The following DDX60L variants were observed in gnomAD, a reference collection of about 807,000 sequenced individuals.
DDX60L encodes the protein DExD/H-box 60 like.
DDX60L carries 191 observed loss-of-function variants against 211.6 expected under a neutral mutation model. The observed-to-expected ratio is 0.90, with a 90% confidence interval of 0.80 to 1.02. DDX60L has a LOEUF of 1.02. Among genes scored for constraint, DDX60L ranks in the 50% least tolerant of loss-of-function variants. DDX60L has a pLI of 0.00. For synonymous variants in DDX60L, 706 were observed against 694.1 expected (o/e 1.02, Z -0.27); for missense variants, 2,007 against 1,984.1 (o/e 1.01, Z -0.22).
chr4:168,358,936 T>G (rs1024845412), intron 37 of DDX60L, among the ~76,000 whole-genome samples: 5 of 152,176 alleles, frequency 3.3e-5, no homozygotes, highest in Non-Finnish European at 7.4e-5. Context: ...ACACATCTCA[T>G]GAAAGCCATA....
Position 168,423,710 on chromosome 4 carries a change from C to G in DDX60L, c.1995G>C (p.Glu665Asp). ...QMMKRIHSLL[E>D]RYPEILEAEH... is the part of the protein sequence containing the mutation. ...CTGCTTCCAAAATTTCTGGGTATCT[C>G]TCCAGGAGTGAATGAATCCTTTTCA... The change falls in exon 15 of 38, where the codon GAG becomes GAC. Residue 665 changes from glutamate (E) to aspartate (D), a missense_variant. Glu to Asp is a conservative substitution (Grantham distance 45). Coordinates refer to ENST00000682922, the MANE Select transcript of DDX60L (RefSeq NM_001012967.3). The G allele has an allele frequency of 6.2e-7, 1 of 1,607,360 alleles. No individual in the cohort carries two copies. The highest frequency in any genetic ancestry group is 8.5e-7 in the Non-Finnish European group (1 of 1,177,546).
intron 33 of DDX60L, 57 bp downstream of exon 33, chr4:168,378,297 G>T: frequency 1.9e-6 from 2 of 1,067,654 alleles, no homozygotes; most frequent in Non-Finnish European, 2.7e-6. Flanking sequence ...ATGCTTTCCA[G>T]TAGCATACAT....
At chr4:168,389,862 C>T (rs988829934) in intron 29 of DDX60L, among the ~76,000 whole-genome samples, 9 of 152,012 alleles carry the variant, frequency 5.9e-5, no homozygotes, top group Non-Finnish European at 8.8e-5. Context: ...ACTTTTGGTA[C>T]GAAAGTGCAA....
At position 168,394,515 on chromosome 4, in the gene DDX60L, A is replaced by T; in HGVS notation, c.3760T>A (p.Phe1254Ile). 1 of 1,611,884 alleles carries T rather than the reference A, an allele frequency of 6.2e-7. No homozygotes were observed. The highest frequency in any genetic ancestry group is 1.1e-5 in the South Asian group (1 of 90,344). Reference protein sequence around the residue: ...GIGYHHSSMYFKEKEFVEILF... With the variant: ...GIGYHHSSMYIKEKEFVEILF... ...ATCTCAACAAACTCTTTTTCTTTAA[A>T]ATACATGCTGCTGTGATGATATCCA... The change falls in exon 28 of 38, where the codon TTT becomes ATT. Residue 1254 changes from phenylalanine to isoleucine, a missense_variant. By Grantham distance (21) the Phe-to-Ile change is conservative (BLOSUM62 0). Transcript: ENST00000682922.
intron 8 of DDX60L, among the ~76,000 whole-genome samples, chr4:168,449,838 C>T (rs2150048557): frequency 6.7e-6 from 1 of 149,026 alleles, no homozygotes; most frequent in East Asian, 2.0e-4. Context: ...TTATAAAACC[C>T]AGAAGTAGGG....
intron 34 of DDX60L, 151 bp downstream of exon 34, chr4:168,375,226 A>G: frequency 1.3e-6 from 1 of 745,442 alleles, no homozygotes; most frequent in Middle Eastern, 3.6e-4. Flanking sequence ...AATGGGCTAA[A>G]TTGTTTTCTG....
intron 22 of DDX60L, among the ~76,000 whole-genome samples, chr4:168,410,210 A>G (rs530845574): frequency 6.6e-6 from 1 of 152,208 alleles, no homozygotes; most frequent in Non-Finnish European, 1.5e-5. Context: ...ATAATAAGTT[A>G]CATATTATCA....
At chr4:168,473,813 G>C (rs1211029494) in intron 1 of DDX60L, among the ~76,000 whole-genome samples, 1 of 152,116 alleles carries the variant, frequency 6.6e-6, no homozygotes, top group Non-Finnish European at 1.5e-5. Context: ...CTTGTCTTAG[G>C]AGGTGATTCT....
chr4:168,467,445 CAAAAAAA>C (rs199648164), intron 4 of DDX60L, among the ~76,000 whole-genome samples: 2 of 109,102 alleles, frequency 1.8e-5, no homozygotes, highest in South Asian at 3.1e-4. Context: ...GTTTCCATTC[CAAAAAAA>C]AAAAAAAAAT....
rs370321357 is a variant in DDX60L at position 168,421,868 on chromosome 4, C to A, written c.2286G>T (p.Val762=). 8.1e-6 allele frequency: 13 copies of A among 1,614,072 alleles called. No individual in the cohort carries two copies. The highest frequency in any genetic ancestry group is 7.6e-6 in the Non-Finnish European group (9 of 1,180,046). Reference sequence around the variant, plus strand: ...TGCCTGAGGACGTTGGGGCAACAATCACTGCTGACTCATTCTTATCTACCA... The same window carrying A: ...TGCCTGAGGACGTTGGGGCAACAATAACTGCTGACTCATTCTTATCTACCA... ...LDVVDKNESA[V]IVAPTSSGKT... is the part of the protein sequence containing the mutation. The change falls in exon 17 of 38, where the codon GTG becomes GTT. Residue 762 remains valine, a synonymous_variant. Coordinates refer to ENST00000682922, the MANE Select transcript of DDX60L (RefSeq NM_001012967.3).
At chr4:168,466,498 T>C (rs1183279079) in intron 4 of DDX60L, among the ~76,000 whole-genome samples, 2 of 152,336 alleles carry the variant, frequency 1.3e-5, no homozygotes, top group Non-Finnish European at 2.9e-5. Context: ...GAATCAGAGA[T>C]ACAACAATGA....
At chr4:168,413,897 A>G (rs77616583) in intron 22 of DDX60L, among the ~76,000 whole-genome samples, 31,685 of 152,044 alleles carry the variant, frequency 0.21, 3,413 homozygotes, top group East Asian at 0.28. Context: ...TAGAACACCA[A>G]GCAGATTTAA....
Position 168,379,822 on chromosome 4 carries a change from T to C in DDX60L, c.4125A>G (p.Ser1375=), listed in dbSNP as rs758882022. 6.2e-7 allele frequency: 1 copy of C among 1,603,328 alleles called. No homozygotes were observed. The highest frequency in any genetic ancestry group is 1.3e-5 in the African/African-American group (1 of 74,350). The change falls in exon 31 of 38, where the codon TCA becomes TCG. Residue 1375 remains serine (S), a synonymous_variant. Coordinates refer to ENST00000682922, the MANE Select transcript of DDX60L (RefSeq NM_001012967.3). The part of the protein sequence containing the change: ...DPEDAKAKVL[S]VLKHSLLSFK... Reference sequence around the variant, plus strand: ...AAGACAGCAATGAATGCTTTAGCACTGACAACACCTATAAAAGAAGAGTAC... The same window carrying C: ...AAGACAGCAATGAATGCTTTAGCACCGACAACACCTATAAAAGAAGAGTAC...
At chr4:168,397,213 T>C (rs1054665654) in intron 26 of DDX60L, among the ~76,000 whole-genome samples, 1 of 152,160 alleles carries the variant, frequency 6.6e-6, no homozygotes, top group Non-Finnish European at 1.5e-5. Flanking sequence ...CTATGGTAAC[T>C]TGTTATGGAC....
At chr4:168,394,411 T>A (rs1309409704) in intron 28 of DDX60L, 54 bp downstream of exon 28, 2 of 1,278,038 alleles carry the variant, frequency 1.6e-6, no homozygotes, top group Non-Finnish European at 2.0e-6. Context: ...TTAGTGGTAT[T>A]CAGCATCATA....
rs1325760413 is a variant in DDX60L, at chr4:168,477,186, C to T, written c.-111+3191G>A. On this transcript the variant is annotated intron_variant, in intron 1 of 37. Coordinates refer to ENST00000682922, the MANE Select transcript of DDX60L (RefSeq NM_001012967.3). ...ATCCCAGCACTTTGGGAGGCCAAGG[C>T]GGACGGATCACAAGGTCAGGAGATC... Among the ~76,000 whole-genome samples, 4 of 152,034 alleles carry T rather than the reference C, an allele frequency of 2.6e-5. No homozygotes were observed. In the East Asian group the frequency reaches 5.8e-4, roughly 22 times the overall value.
chr4:168,370,378 T>C lies in DDX60L; in HGVS notation c.4928+1234A>G, dbSNP rs374958468. On this transcript the variant is annotated intron_variant, in intron 36 of 37. Coordinates refer to ENST00000682922, the MANE Select transcript of DDX60L (RefSeq NM_001012967.3). Reference sequence around the variant, plus strand: ...TGTAAAGTTTAAAAAGAAGAAAAATTAATACAATAGAAGTAGAGGGTAGAA... The same window carrying C: ...TGTAAAGTTTAAAAAGAAGAAAAATCAATACAATAGAAGTAGAGGGTAGAA... Among the ~76,000 whole-genome samples the C allele has an allele frequency of 3.3e-5, 5 of 152,118 alleles. No homozygotes were observed. In the East Asian group the frequency reaches 7.7e-4, roughly 24 times the overall value.
In DDX60L at chr4:168,472,512, T is replaced by C. The variant is rs1378697164; in HGVS notation, c.17A>G (p.His6Arg). 6.3e-7 allele frequency: 1 copy of C among 1,579,824 alleles called. No individual in the cohort carries two copies. MGSKD[H>R]AVFFREMTQL... is the part of the protein sequence containing the mutation. ...TGTCATTTCCCTGAAAAATACTGCA[T>C]GATCCTTTGACCCTAAAAATAAGGA... The change falls in exon 3 of 38, where the codon CAT becomes CGT. Residue 6 changes from histidine (H) to arginine (R), a missense_variant. By Grantham distance (29) the His-to-Arg change is conservative (BLOSUM62 0). Coordinates refer to ENST00000682922, the MANE Select transcript of DDX60L (RefSeq NM_001012967.3).
chr4:168,378,510 T>C, intron 32 of DDX60L, 35 bp from the exon 33 acceptor site: 1 of 1,455,524 alleles, frequency 6.9e-7, no homozygotes, highest in Non-Finnish European at 9.2e-7. Flanking sequence ...TAAATAAGAA[T>C]AATGTTGATT....
Sources: allele counts gnomAD v4.1 joint callset (sites outside exome capture counted in the v4.1 genomes callset), GRCh38; gene constraint gnomAD v4.1.1; transcripts MANE v1.5; gene names NCBI Gene and HGNC (gene_info 2026-07-23, HGNC 2026-07-21).